Variants in SLC25A21 observed in about 807,000 individuals in gnomAD.
The protein encoded by SLC25A21 is mitochondrial 2-oxodicarboxylate carrier.
Under a neutral mutation model 43.8 loss-of-function variants are expected in SLC25A21, and 47 were observed. The ratio of observed to expected loss-of-function variants is 1.07; its 90% CI spans 0.85 to 1.37. The LOEUF is 1.37. Among genes scored for constraint, SLC25A21 ranks in the 40% most tolerant of loss-of-function variants. The pLI is 0.00. For synonymous variants in SLC25A21, 131 were observed against 121.3 expected, an observed-to-expected ratio of 1.08 and a Z score of -0.52; for missense variants, 352 against 350.2, an observed-to-expected ratio of 1.00 and a Z score of -0.04.
intron 1 of SLC25A21, among the ~76,000 whole-genome samples, chr14:37,037,331 A>C (rs1013857380): frequency 1.3e-5 from 2 of 152,144 alleles, no homozygotes; most frequent in Admixed American, 1.3e-4. Context: ...AGTATCCACT[A>C]TTGAGTTTCC....
intron 1 of SLC25A21, among the ~76,000 whole-genome samples, chr14:37,109,041 T>C (rs1354063473): frequency 2.0e-5 from 3 of 152,100 alleles, no homozygotes; most frequent in East Asian, 1.9e-4. Context: ...AAACTAAATA[T>C]ATTTGTTGTG....
intron 3 of SLC25A21, among the ~76,000 whole-genome samples, chr14:36,787,322 T>C (rs1428416739): frequency 6.6e-6 from 1 of 152,178 alleles, no homozygotes; most frequent in East Asian, 1.9e-4. Context: ...CAAACCTGGC[T>C]GGGGGTCCTC....
chr14:36,834,017 T>C (rs1410578885), intron 2 of SLC25A21, among the ~76,000 whole-genome samples: 1 of 152,226 alleles, frequency 6.6e-6, no homozygotes, highest in African/African-American at 2.4e-5. Flanking sequence ...AGCGTACACC[T>C]ATCCCCTACC....
At chr14:36,971,489 T>G (rs2138686599) in intron 1 of SLC25A21, among the ~76,000 whole-genome samples, 1 of 152,224 alleles carries the variant, frequency 6.6e-6, no homozygotes, top group Admixed American at 6.5e-5. Flanking sequence ...GACCAGCCTT[T>G]CCTGCGTCCT....
intron 1 of SLC25A21, among the ~76,000 whole-genome samples, chr14:36,969,647 C>T (rs1028695861): frequency 4.1e-5 from 6 of 147,962 alleles, no homozygotes; most frequent in African/African-American, 1.6e-4. Flanking sequence ...CACCACCACA[C>T]CTGGCTAATT....
chr14:36,990,988 A>G (rs1960251231), intron 1 of SLC25A21, among the ~76,000 whole-genome samples: 1 of 152,194 alleles, frequency 6.6e-6, no homozygotes, highest in African/African-American at 2.4e-5. Context: ...TGTGCTGGAA[A>G]ACAAATCAAT....
At chr14:37,015,156 G>T (rs1021091124) in intron 1 of SLC25A21, among the ~76,000 whole-genome samples, 1 of 151,216 alleles carries the variant, frequency 6.6e-6, no homozygotes, top group Non-Finnish European at 1.5e-5. Context: ...TCGTCACTTA[G>T]CATTAGGTAT....
intron 3 of SLC25A21, among the ~76,000 whole-genome samples, chr14:36,803,565 T>C (rs1484308469): frequency 1.3e-5 from 2 of 152,186 alleles, no homozygotes; most frequent in African/African-American, 4.8e-5. Context: ...TCACAACCTC[T>C]CTTTAAGAGT....
intron 2 of SLC25A21, among the ~76,000 whole-genome samples, chr14:36,855,519 AATCCAGAAAG>A (rs1440576145): frequency 2.0e-5 from 3 of 152,208 alleles, no homozygotes; most frequent in Non-Finnish European, 2.9e-5. Flanking sequence ...GGCAAGTACC[AATCCAGAAAG>A]ATCCAGTCCA....
chr14:37,151,182 CA>C (rs1963753094), intron 1 of SLC25A21, among the ~76,000 whole-genome samples: 1 of 152,144 alleles, frequency 6.6e-6, no homozygotes, highest in Admixed American at 6.6e-5. Context: ...CTAGTTTTTA[CA>C]GACATTAAAT....
intron 3 of SLC25A21, among the ~76,000 whole-genome samples, chr14:36,750,603 G>T (rs1210816016): frequency 6.6e-6 from 1 of 152,082 alleles, no homozygotes; most frequent in Non-Finnish European, 1.5e-5. Flanking sequence ...CTGAAAACAT[G>T]AATTCTTGGG....
At chr14:37,134,933 T>A (rs1963453068) in intron 1 of SLC25A21, among the ~76,000 whole-genome samples, 2 of 150,678 alleles carry the variant, frequency 1.3e-5, no homozygotes, top group South Asian at 4.2e-4. Flanking sequence ...TCTCTACTTT[T>A]TTTTTTTTTT....
intron 3 of SLC25A21, among the ~76,000 whole-genome samples, chr14:36,774,329 A>G (rs1487098732): frequency 6.6e-6 from 1 of 152,210 alleles, no homozygotes; most frequent in Non-Finnish European, 1.5e-5. Context: ...TTCTTTGATT[A>G]TATTTTAAGT....
chr14:36,898,645 T>A (rs1224323793), intron 1 of SLC25A21, among the ~76,000 whole-genome samples: 1 of 152,130 alleles, frequency 6.6e-6, no homozygotes, highest in Middle Eastern at 3.2e-3. Context: ...AGCTGTAGAC[T>A]GGAGCTGTTC....
rs754564919 is a variant in SLC25A21 at position 36,716,976 on chromosome 14, C to G, written c.439-5494G>C. Among the ~76,000 whole-genome samples the G allele has an allele frequency of 1.8e-4, 27 of 152,126 alleles. 1 individual carries two copies. Among genetic ancestry groups the G allele is most frequent in the Admixed American group, 6.6e-5 (1 of 15,266 alleles). ...AGCCAATGGAATACGGGTGTTGTACCGGATTTCATCACATAGCTGGAAAGC... is the reference window on the plus strand; with the variant it reads ...AGCCAATGGAATACGGGTGTTGTACGGGATTTCATCACATAGCTGGAAAGC... On this transcript the variant is annotated intron_variant, in intron 6 of 9. Transcript: ENST00000331299.
At chr14:36,912,020 A>G (rs548975312) in intron 1 of SLC25A21, among the ~76,000 whole-genome samples, 2 of 152,152 alleles carry the variant, frequency 1.3e-5, no homozygotes, top group African/African-American at 2.4e-5. Context: ...TTTTAAATCT[A>G]TATTTATAAA....
intron 2 of SLC25A21, among the ~76,000 whole-genome samples, chr14:36,865,134 C>CT (rs1225094007): frequency 6.6e-6 from 1 of 151,784 alleles, no homozygotes; most frequent in Non-Finnish European, 1.5e-5. Context: ...TCTAAATTAA[C>CT]TGTTCATTTT....
intron 3 of SLC25A21, among the ~76,000 whole-genome samples, chr14:36,740,816 C>T (rs576930105): frequency 2.6e-5 from 4 of 152,246 alleles, no homozygotes; most frequent in African/African-American, 4.8e-5. Context: ...TTCTTATTGT[C>T]TCTCATTAGT....
intron 1 of SLC25A21, among the ~76,000 whole-genome samples, chr14:36,955,836 A>C (rs1959326385): frequency 6.6e-6 from 1 of 152,206 alleles, no homozygotes; most frequent in African/African-American, 2.4e-5. Context: ...GGGACATAGA[A>C]AACAGTTTCC....
Sources: allele counts gnomAD v4.1 joint callset (sites outside exome capture counted in the v4.1 genomes callset), GRCh38; gene constraint gnomAD v4.1.1; transcripts MANE v1.5; gene names NCBI Gene and HGNC (gene_info 2026-07-23, HGNC 2026-07-21).